Variants in DGKI observed in about 807,000 individuals in gnomAD.
DGKI encodes the protein diacylglycerol kinase iota.
DGKI carries 55 observed loss-of-function variants against 147.5 expected under a neutral mutation model. The ratio of observed to expected loss-of-function variants is 0.37; its 90% CI spans 0.30 to 0.47. The LOEUF (loss-of-function observed/expected upper bound fraction) is 0.47, where lower values mean the gene tolerates loss of function less well. DGKI is among the 20% of genes least tolerant of loss of function. The pLI is 1.00. For missense variants in DGKI, 1,007 were observed against 1,323.8 expected, an observed-to-expected ratio of 0.76 and a Z score of 3.71; for synonymous variants, 469 against 477.1, an observed-to-expected ratio of 0.98 and a Z score of 0.22.
intron 23 of DGKI, among the ~76,000 whole-genome samples, chr7:137,472,234 A>ATATATGTATATATACACATAT (rs1563039871): frequency 5.3e-5 from 5 of 95,108 alleles, no homozygotes; most frequent in South Asian, 5.9e-4. Flanking sequence ...TATACATATA[A>ATATATGTATATATACACATAT]TATATGTATA....
chr7:137,392,874 T>C (rs1412638513), intron 32 of DGKI, among the ~76,000 whole-genome samples: 2 of 152,132 alleles, frequency 1.3e-5, no homozygotes, highest in Non-Finnish European at 2.9e-5. Flanking sequence ...GAAGATTCAG[T>C]TGTAATGATC....
In DGKI at chr7:137,381,987, G is replaced by A. The variant is rs1416990462; in HGVS notation, c.*9233C>T. 6.6e-6 allele frequency: 1 copy of A among 152,050 alleles called. No individual in the cohort carries two copies. Among genetic ancestry groups the A allele is most frequent in the Non-Finnish European group, 1.5e-5 (1 of 67,988 alleles). 9.4% of individuals were successfully genotyped at this position (152,050 alleles called of 1,614,324 possible). On this transcript the variant is annotated 3_prime_UTR_variant, in exon 33 of 33. Transcript: ENST00000614521. ...ATCCAACCAATGATGGGTGGGGAGAGTGGCGAATAAAAATTCTTTGATCTC... is the reference window on the plus strand; with the variant it reads ...ATCCAACCAATGATGGGTGGGGAGAATGGCGAATAAAAATTCTTTGATCTC...
At chr7:137,780,358 G>A (rs1424318556) in intron 1 of DGKI, among the ~76,000 whole-genome samples, 1 of 152,208 alleles carries the variant, frequency 6.6e-6, no homozygotes, top group African/African-American at 2.4e-5. Context: ...AGTAGAGTAA[G>A]CTATCAGATA....
intron 1 of DGKI, among the ~76,000 whole-genome samples, chr7:137,690,949 A>G (rs1394179647): frequency 6.6e-6 from 1 of 152,192 alleles, no homozygotes; most frequent in Admixed American, 6.5e-5. Flanking sequence ...AATGTCTCAC[A>G]AGGGTCTAGA....
intron 1 of DGKI, among the ~76,000 whole-genome samples, chr7:137,838,402 A>C (rs746592800): frequency 1.6e-4 from 25 of 152,180 alleles, no homozygotes; most frequent in Admixed American, 7.9e-4. Flanking sequence ...AATGTTCCAG[A>C]AGTTTGTCTC....
At chr7:137,418,883 GT>G (rs1411234400) in intron 28 of DGKI, among the ~76,000 whole-genome samples, 1 of 152,182 alleles carries the variant, frequency 6.6e-6, no homozygotes, top group African/African-American at 2.4e-5. Context: ...ATATTTTCAT[GT>G]GCAAAGCAAG....
intron 1 of DGKI, among the ~76,000 whole-genome samples, chr7:137,738,025 T>A (rs1795074155): frequency 6.6e-6 from 1 of 152,118 alleles, no homozygotes; most frequent in Non-Finnish European, 1.5e-5. Flanking sequence ...TAGCCAAGCT[T>A]TATTAAGAGT....
At chr7:137,546,930 G>T (rs1370289943) in intron 20 of DGKI, among the ~76,000 whole-genome samples, 1 of 152,182 alleles carries the variant, frequency 6.6e-6, no homozygotes, top group Non-Finnish European at 1.5e-5. Flanking sequence ...GATGGAATTC[G>T]ATTGCTCAAT....
At chr7:137,529,759 A>G (rs188219869) in intron 20 of DGKI, among the ~76,000 whole-genome samples, 90 of 152,220 alleles carry the variant, frequency 5.9e-4, no homozygotes, top group Admixed American at 2.4e-3. Flanking sequence ...CCCTACATAC[A>G]TGTGTTATGA....
chr7:137,823,586 T>A (rs1238169480), intron 1 of DGKI, among the ~76,000 whole-genome samples: 3 of 152,206 alleles, frequency 2.0e-5, no homozygotes, highest in African/African-American at 7.2e-5. Flanking sequence ...CTTAAAATTG[T>A]TTGTTCCATC....
intron 2 of DGKI, among the ~76,000 whole-genome samples, chr7:137,680,006 A>C (rs1158612875): frequency 6.6e-6 from 1 of 151,784 alleles, no homozygotes; most frequent in Non-Finnish European, 1.5e-5. Context: ...AAAAAAAAAA[A>C]AAAAAAATTC....
chr7:137,583,560 C>T (rs1819280940), intron 14 of DGKI, among the ~76,000 whole-genome samples: 1 of 152,048 alleles, frequency 6.6e-6, no homozygotes, highest in Non-Finnish European at 1.5e-5. Flanking sequence ...GGAAAACTTG[C>T]CCCAGTTTCC....
intron 3 of DGKI, among the ~76,000 whole-genome samples, chr7:137,664,377 C>CAAAAAAAAAAAAA (rs1190186766): frequency 2.3e-4 from 13 of 56,010 alleles, no homozygotes; most frequent in Non-Finnish European, 3.2e-4. Flanking sequence ...GACTCCATCT[C>CAAAAAAAAAAAAA]AAAAAAAAAA....
intron 21 of DGKI, among the ~76,000 whole-genome samples, chr7:137,515,427 T>C (rs1816715370): frequency 6.6e-6 from 1 of 152,196 alleles, no homozygotes; most frequent in African/African-American, 2.4e-5. Context: ...TTGTTGAATT[T>C]ATGAATGGCT....
intron 24 of DGKI, among the ~76,000 whole-genome samples, chr7:137,467,183 C>G (rs1407126266): frequency 6.6e-6 from 1 of 152,188 alleles, no homozygotes; most frequent in Non-Finnish European, 1.5e-5. Flanking sequence ...CTTTAAAGAA[C>G]CAGCTCAAGT....
intron 12 of DGKI, among the ~76,000 whole-genome samples, chr7:137,596,545 GA>G (rs903251860): frequency 2.0e-5 from 3 of 152,128 alleles, no homozygotes; most frequent in African/African-American, 7.2e-5. Context: ...TTGTGTGGGG[GA>G]AAAAAATTCC....
chr7:137,777,669 C>T (rs532809676), intron 1 of DGKI, among the ~76,000 whole-genome samples: 100 of 152,308 alleles, frequency 6.6e-4, no homozygotes, highest in African/African-American at 2.3e-3. Flanking sequence ...TCACTGCTTT[C>T]GACTCATCAA....
intron 2 of DGKI, among the ~76,000 whole-genome samples, chr7:137,684,674 C>T (rs879739548): frequency 2.0e-5 from 3 of 152,214 alleles, no homozygotes; most frequent in Admixed American, 6.5e-5. Flanking sequence ...CCTTCATTTA[C>T]GTGGCTGACC....
chr7:137,668,811 T>C (rs1201398114), intron 3 of DGKI, among the ~76,000 whole-genome samples: 1 of 152,146 alleles, frequency 6.6e-6, no homozygotes, highest in Non-Finnish European at 1.5e-5. Context: ...GTCCTTAACT[T>C]TCCTCGAGGA....
Sources: allele counts gnomAD v4.1 joint callset (sites outside exome capture counted in the v4.1 genomes callset), GRCh38; gene constraint gnomAD v4.1.1; transcripts MANE v1.5; gene names NCBI Gene and HGNC (gene_info 2026-07-23, HGNC 2026-07-21).